The following CCDC14 variants were observed in gnomAD, a reference collection of about 807,000 sequenced individuals.
CCDC14 encodes the protein coiled-coil domain-containing protein 14.
CCDC14 carries 71 observed loss-of-function variants against 81.4 expected under a neutral mutation model. The ratio of observed to expected loss-of-function variants is 0.87; its 90% CI spans 0.72 to 1.06. The LOEUF is 1.06. Among genes scored for constraint, CCDC14 ranks in the 50% least tolerant of loss-of-function variants. The pLI, the probability that CCDC14 is intolerant of heterozygous loss-of-function variation, is 0.00. For synonymous variants in CCDC14, 332 were observed against 364.8 expected, an observed-to-expected ratio of 0.91 and a Z score of 1.03; for missense variants, 1,046 against 1,047.3, an observed-to-expected ratio of 1.00 and a Z score of 0.02.
At chr3:123,929,332 A>T (rs2035568867) in intron 12 of CCDC14, among the ~76,000 whole-genome samples, 1 of 151,942 alleles carries the variant, frequency 6.6e-6, no homozygotes, top group African/African-American at 2.4e-5. Context: ...TTTTTTTGAG[A>T]CAGGGTCTTA....
intron 5 of CCDC14, among the ~76,000 whole-genome samples, chr3:123,907,495 C>G (rs1278588786): frequency 6.6e-6 from 1 of 151,656 alleles, no homozygotes; most frequent in Admixed American, 6.6e-5. Context: ...ATTGCTTGAG[C>G]CCAGGAGTTC....
chr3:123,958,621 A>G (rs2037483905), intron 1 of CCDC14: 2 of 152,120 alleles, frequency 1.3e-5, no homozygotes, highest in African/African-American at 2.4e-5. Flanking sequence ...TTGCAGATAC[A>G]ATACTCCTTT....
At chr3:123,922,330 A>G (rs2035093984) in intron 12 of CCDC14, among the ~76,000 whole-genome samples, 1 of 152,178 alleles carries the variant, frequency 6.6e-6, no homozygotes, top group Non-Finnish European at 1.5e-5. Flanking sequence ...GAACAAATTA[A>G]GCCCAAAATT....
intron 3 of CCDC14, 105 bp downstream of exon 3, chr3:123,956,250 T>G (rs2037320863): frequency 8.1e-7 from 1 of 1,237,228 alleles, no homozygotes; most frequent in Non-Finnish European, 1.1e-6. Flanking sequence ...AGCAACAGAC[T>G]TCATACTTCC....
chr3:123,908,737 A>G (rs1039242476), downstream of CCDC14, among the ~76,000 whole-genome samples: 45 of 152,140 alleles, frequency 3.0e-4, 1 homozygote, highest in Admixed American at 2.6e-3. Flanking sequence ...TGGTTGGGAT[A>G]TGGGGAGGGG....
intron 9 of CCDC14, among the ~76,000 whole-genome samples, chr3:123,944,157 G>A (rs1456490805): frequency 6.6e-6 from 1 of 152,124 alleles, no homozygotes; most frequent in African/African-American, 2.4e-5. Flanking sequence ...TTGCAGAACT[G>A]ATTGTTTGCT....
intron 12 of CCDC14, among the ~76,000 whole-genome samples, chr3:123,925,675 A>T (rs1377352176): frequency 6.6e-6 from 1 of 152,170 alleles, no homozygotes; most frequent in Non-Finnish European, 1.5e-5. Context: ...ACCTCAGGTG[A>T]TCTGCCCACC....
At chr3:123,941,025 G>A (rs1234494186) in intron 9 of CCDC14, among the ~76,000 whole-genome samples, 2 of 151,966 alleles carry the variant, frequency 1.3e-5, no homozygotes, top group African/African-American at 2.4e-5. Flanking sequence ...ATTCACTCCC[G>A]TTTCATTTTT....
intron 1 of CCDC14, among the ~76,000 whole-genome samples, chr3:123,960,218 A>G (rs978784904): frequency 2.0e-5 from 3 of 152,228 alleles, no homozygotes; most frequent in Non-Finnish European, 2.9e-5. Flanking sequence ...CTTAGTAGTC[A>G]TATCTCCTAC....
intron 5 of CCDC14, among the ~76,000 whole-genome samples, chr3:123,951,785 C>G (rs540762663): frequency 1.4e-4 from 21 of 152,072 alleles, no homozygotes; most frequent in Admixed American, 3.3e-4. Flanking sequence ...ATGTCATCAA[C>G]TAACATAAAT....
intron 12 of CCDC14, among the ~76,000 whole-genome samples, chr3:123,928,872 A>G (rs562226130): frequency 6.6e-6 from 1 of 152,326 alleles, no homozygotes; most frequent in African/African-American, 2.4e-5. Context: ...ACTAATACTT[A>G]ATTTGCGTGG....
intron 5 of CCDC14, among the ~76,000 whole-genome samples, chr3:123,903,372 C>G (rs1272833948): frequency 3.3e-5 from 5 of 151,562 alleles, no homozygotes; most frequent in African/African-American, 1.2e-4. Context: ...TTGCTTATTG[C>G]TGGTGGTATC....
chr3:123,885,380 C>T, the CCDC14 span, among the ~76,000 whole-genome samples: 300 of 152,234 alleles, frequency 2.0e-3, 1 homozygote, highest in Non-Finnish European at 3.6e-3. Context: ...TCTCCCTCCT[C>T]CCAAAAGTAA....
intron 9 of CCDC14, among the ~76,000 whole-genome samples, chr3:123,939,076 T>C (rs1008263508): frequency 6.6e-6 from 1 of 151,926 alleles, no homozygotes; most frequent in African/African-American, 2.4e-5. Context: ...GTTTTTTGTT[T>C]TGTTTTTTAA....
At chr3:123,886,356 CT>C in the CCDC14 span, among the ~76,000 whole-genome samples, 1 of 142,260 alleles carries the variant, frequency 7.0e-6, no homozygotes, top group Non-Finnish European at 1.6e-5. Context: ...CTTTTTCTTT[CT>C]TTTTTTCTTT....
intron 1 of CCDC14, chr3:123,958,760 T>C (rs1175363932): frequency 6.6e-6 from 1 of 152,124 alleles, no homozygotes; most frequent in African/African-American, 2.4e-5. Context: ...TGTTGCCAAT[T>C]ATCCCAATAC....
downstream of CCDC14, among the ~76,000 whole-genome samples, chr3:123,908,583 T>C (rs2034374608): frequency 6.6e-6 from 1 of 152,198 alleles, no homozygotes; most frequent in Non-Finnish European, 1.5e-5. Context: ...CCATGGCATT[T>C]CCTCAAATTT....
intron 12 of CCDC14, among the ~76,000 whole-genome samples, chr3:123,928,459 TAGCGCC>T (rs776277405): frequency 4.0e-5 from 6 of 151,350 alleles, no homozygotes; most frequent in Non-Finnish European, 8.8e-5. Context: ...TGAGCCAAGA[TAGCGCC>T]ACTGCACTCC....
chr3:123,897,715 A>G lies in CCDC14; in HGVS notation c.668-102T>C, dbSNP rs2034095742. On this transcript the variant is annotated intron_variant, in intron 5 of 5. Coordinates refer to the CCDC14 transcript ENST00000479903. ...TCCTTCCTTCATATTCTACTTTTAT[A>G]AACCTATAGGTTCTCCGTTTGCTAC... 8.2e-6 allele frequency: 4 copies of G among 487,218 alleles called. No homozygotes were observed. The South Asian group carries it at 1.5e-4, about 19-fold the overall frequency. 30.2% of individuals were successfully genotyped at this position (487,218 alleles called of 1,614,324 possible). A position where few individuals can be genotyped will look rare whatever the true frequency, so the allele number is the denominator to read the frequency against.
Sources: gnomAD v4.1 joint callset for allele counts (sites outside exome capture counted in the v4.1 genomes callset) on GRCh38, gnomAD v4.1.1 for gene constraint, MANE v1.5 for transcripts, NCBI Gene and HGNC (gene_info 2026-07-23, HGNC 2026-07-21) for gene names.